The following MEI4 variants were observed in gnomAD, a reference collection of about 807,000 sequenced individuals.
MEI4 encodes the protein meiotic double-stranded break formation protein 4.
A neutral mutation model predicts 31.4 loss-of-function variants in MEI4; 27 were observed. That is an observed-to-expected ratio of 0.86 (90% confidence interval 0.63 to 1.19). MEI4 has a LOEUF of 1.19. Among genes scored for constraint, MEI4 ranks in the 50% most tolerant of loss-of-function variants. The pLI is 0.00. For synonymous variants in MEI4, 122 were observed against 145.4 expected (o/e 0.84, Z 1.16); for missense variants, 329 against 398.9 (o/e 0.82, Z 1.49).
intron 3 of MEI4, among the ~76,000 whole-genome samples, chr6:77,825,334 A>C (rs1769919210): frequency 6.6e-6 from 1 of 152,150 alleles, no homozygotes; most frequent in African/African-American, 2.4e-5. Context: ...GAAGCTGGTC[A>C]TAAATAGGCA....
chr6:77,695,803 A>G (rs977465969), intron 2 of MEI4, among the ~76,000 whole-genome samples: 2 of 152,168 alleles, frequency 1.3e-5, no homozygotes, highest in Non-Finnish European at 2.9e-5. Context: ...CTGTGAAGAA[A>G]GTCATTGGTA....
intron 4 of MEI4, among the ~76,000 whole-genome samples, chr6:77,910,280 A>G (rs1766402356): frequency 6.6e-6 from 1 of 152,164 alleles, no homozygotes. Flanking sequence ...CCCTGTTTGC[A>G]GATGACATGA....
At chr6:77,894,450 C>T (rs1434877859) in intron 4 of MEI4, among the ~76,000 whole-genome samples, 1 of 151,860 alleles carries the variant, frequency 6.6e-6, no homozygotes, top group Non-Finnish European at 1.5e-5. Context: ...ATACATACAG[C>T]TTTTTTTCTT....
chr6:77,738,177 T>G (rs1767304091), intron 2 of MEI4, among the ~76,000 whole-genome samples: 1 of 152,138 alleles, frequency 6.6e-6, no homozygotes, highest in African/African-American at 2.4e-5. Flanking sequence ...AGTCCAGAAT[T>G]TGAGCACCTA....
chr6:77,711,762 T>C lies in MEI4; in HGVS notation c.232+20859T>C, dbSNP rs138945435. 1.4e-3 allele frequency among the ~76,000 whole-genome samples: 211 copies of C among 152,328 alleles called. 1 individual carries two copies. The highest frequency in any genetic ancestry group is 4.5e-3 in the African/African-American group (185 of 41,564). ...GTAAAGGTAACTAGCAGAAGTAGACTGTTTCTTCTACTCTCAGAACTAGTA... is the reference window on the plus strand; with the variant it reads ...GTAAAGGTAACTAGCAGAAGTAGACCGTTTCTTCTACTCTCAGAACTAGTA... On this transcript the variant is annotated intron_variant, in intron 2 of 4. Coordinates refer to ENST00000684080, the MANE Select transcript of MEI4 (RefSeq NM_001322247.2).
At chr6:77,789,681 A>C (rs1393514738) in intron 3 of MEI4, among the ~76,000 whole-genome samples, 1 of 152,150 alleles carries the variant, frequency 6.6e-6, no homozygotes, top group Non-Finnish European at 1.5e-5. Context: ...CCATCAGAGA[A>C]ATGTAAATCA....
rs115532290 is a variant in MEI4, at chr6:77,906,271, T to C, written c.901-16818T>C. 2.1e-3 allele frequency among the ~76,000 whole-genome samples: 324 copies of C among 152,308 alleles called. 2 individuals are homozygous for C. The highest frequency in any genetic ancestry group is 7.1e-3 in the African/African-American group (297 of 41,570). On this transcript the variant is annotated intron_variant, in intron 4 of 4. Transcript: ENST00000684080. ...TGTTTCTTGTTGCTTTGTGCTGATG[T>C]CTGCACATTTGGTGGAGAAGTCATT...
At position 77,913,756 on chromosome 6, in the gene MEI4, C is replaced by T. The variant is rs184384638; in HGVS notation, c.901-9333C>T. Reference sequence around the variant, plus strand: ...TTTTTAGAAAAACTTTTGTTGAGCCCGGGCACGGTGGCTCACTCCTGTAAT... The same window carrying T: ...TTTTTAGAAAAACTTTTGTTGAGCCTGGGCACGGTGGCTCACTCCTGTAAT... On this transcript the variant is annotated intron_variant, in intron 4 of 4. Coordinates refer to ENST00000684080, the MANE Select transcript of MEI4 (RefSeq NM_001322247.2). 1.0e-4 allele frequency among the ~76,000 whole-genome samples: 15 copies of T among 150,580 alleles called. No individual in the cohort carries two copies. In the East Asian group the frequency reaches 1.4e-3, roughly 14 times the overall value.
intron 2 of MEI4, among the ~76,000 whole-genome samples, chr6:77,697,740 T>A (rs2127654919): frequency 6.6e-6 from 1 of 151,852 alleles, no homozygotes; most frequent in African/African-American, 2.4e-5. Flanking sequence ...AAGTATATAT[T>A]CTGTTGATTT....
At chr6:77,700,969 A>G (rs1312675914) in intron 2 of MEI4, among the ~76,000 whole-genome samples, 2 of 150,078 alleles carry the variant, frequency 1.3e-5, no homozygotes, top group African/African-American at 5.1e-5. Context: ...AGTAGAAAGG[A>G]AGGAAGGAAG....
chr6:77,690,696 A>G lies in MEI4; in HGVS notation c.25A>G (p.Arg9Gly). 2.4e-6 allele frequency: 3 copies of G among 1,231,306 alleles called. No individual in the cohort carries two copies. Among genetic ancestry groups the G allele is most frequent in the Non-Finnish European group, 3.0e-6 (3 of 987,238 alleles). 76.3% of individuals were successfully genotyped at this position (1,231,306 alleles called of 1,614,324 possible). The stretch of plus-strand genomic sequence containing the variant: ...GATGGATGTTCAAAAATGGTATTTG[A>G]GAACTTCAAAGCTGGCTCTGGCCTT... MDVQKWYL[R>G]TSKLALALAI... Residue 9 changes from arginine to glycine, a missense_variant, in exon 2 of 5, where the codon AGA (arginine) becomes GGA (glycine). By Grantham distance (125) the Arg-to-Gly change is moderately radical. Coordinates refer to ENST00000684080, the MANE Select transcript of MEI4 (RefSeq NM_001322247.2).
chr6:77,756,498 G>C (rs1284553992), intron 2 of MEI4, among the ~76,000 whole-genome samples: 2 of 151,904 alleles, frequency 1.3e-5, no homozygotes, highest in African/African-American at 2.4e-5. Flanking sequence ...GGTTATAAAA[G>C]TTATTAATAG....
intron 3 of MEI4, among the ~76,000 whole-genome samples, chr6:77,791,448 G>A (rs535157324): frequency 1.8e-4 from 26 of 147,782 alleles, no homozygotes; most frequent in Non-Finnish European, 2.8e-4. Flanking sequence ...ACCAAACACT[G>A]CATATTCTCA....
intron 4 of MEI4, among the ~76,000 whole-genome samples, chr6:77,883,308 C>G (rs989546091): frequency 1.3e-5 from 2 of 151,944 alleles, no homozygotes; most frequent in African/African-American, 4.8e-5. Flanking sequence ...GTGTGGGGAA[C>G]ATTTCTCATC....
chr6:77,896,282 A>T (rs374342609), intron 4 of MEI4, among the ~76,000 whole-genome samples: 2 of 152,100 alleles, frequency 1.3e-5, no homozygotes, highest in Admixed American at 6.6e-5. Flanking sequence ...GCTCAATCCA[A>T]TGACCAAGAA....
At chr6:77,734,592 A>G (rs948692297) in intron 2 of MEI4, among the ~76,000 whole-genome samples, 10 of 151,962 alleles carry the variant, frequency 6.6e-5, no homozygotes, top group East Asian at 1.9e-4. Context: ...TCTTTATCCA[A>G]TTTGCCAGTC....
chr6:77,884,181 T>A (rs1406580616), intron 4 of MEI4, among the ~76,000 whole-genome samples: 1 of 152,178 alleles, frequency 6.6e-6, no homozygotes, highest in Non-Finnish European at 1.5e-5. Flanking sequence ...TCAGATTCCT[T>A]TCCCACTTTT....
chr6:77,790,516 T>C (rs545612831), intron 3 of MEI4, among the ~76,000 whole-genome samples: 34 of 151,122 alleles, frequency 2.2e-4, no homozygotes, highest in South Asian at 1.7e-3. Flanking sequence ...CTATGCAATA[T>C]ACTTATGTAG....
intron 1 of MEI4, among the ~76,000 whole-genome samples, chr6:77,654,649 A>G (rs914202043): frequency 6.6e-6 from 1 of 151,240 alleles, no homozygotes; most frequent in African/African-American, 2.4e-5. Context: ...ATACAGCAAG[A>G]TATATTGAAA....
Sources: gnomAD v4.1 joint callset for allele counts (sites outside exome capture counted in the v4.1 genomes callset) on GRCh38, gnomAD v4.1.1 for gene constraint, MANE v1.5 for transcripts, NCBI Gene and HGNC (gene_info 2026-07-23, HGNC 2026-07-21) for gene names.